Variants in NBEA observed in about 807,000 individuals in gnomAD.
The protein encoded by NBEA is lysosomal-trafficking regulator 2.
A neutral mutation model predicts 343.4 loss-of-function variants in NBEA; 44 were observed. That is an observed-to-expected ratio of 0.13 (90% confidence interval 0.10 to 0.16). The LOEUF (loss-of-function observed/expected upper bound fraction) is 0.16, where lower values mean the gene tolerates loss of function less well. NBEA is among the 10% of genes least tolerant of loss of function. The pLI is 1.00. For synonymous variants in NBEA, 1,175 were observed against 1,238.7 expected (o/e 0.95, Z 1.08); for missense variants, 2,555 against 3,631.3 (o/e 0.70, Z 7.62).
chr13:34,983,436 G>A (rs2060431801), intron 1 of NBEA, among the ~76,000 whole-genome samples: 1 of 152,094 alleles, frequency 6.6e-6, no homozygotes, highest in Non-Finnish European at 1.5e-5. Context: ...ATGGACATTT[G>A]GGTTGGTTCT....
At chr13:35,154,810 A>T (rs1326351844) in intron 18 of NBEA, among the ~76,000 whole-genome samples, 1 of 152,110 alleles carries the variant, frequency 6.6e-6, no homozygotes, top group Non-Finnish European at 1.5e-5. Context: ...CATTGTTAGG[A>T]AGAACTTTCC....
chr13:35,583,797 G>A (rs926641975), intron 45 of NBEA, 101 bp from the exon 46 acceptor site: 2 of 848,910 alleles, frequency 2.4e-6, no homozygotes, highest in Non-Finnish European at 3.6e-6. Flanking sequence ...ATGCTGTATG[G>A]CTAAAATGAA....
intron 1 of NBEA, among the ~76,000 whole-genome samples, chr13:35,010,189 TTGAA>T (rs1239759604): frequency 2.0e-5 from 3 of 152,096 alleles, no homozygotes; most frequent in Admixed American, 1.3e-4. Flanking sequence ...AGCTTTGAGA[TTGAA>T]TGAGGTCATT....
chr13:35,297,649 A>G (rs1410873336), intron 35 of NBEA, among the ~76,000 whole-genome samples: 7 of 151,910 alleles, frequency 4.6e-5, no homozygotes, highest in African/African-American at 1.4e-4. Flanking sequence ...TTATGCTACA[A>G]ATTTACACCA....
At chr13:35,617,591 T>G (rs2082790724) in intron 48 of NBEA, among the ~76,000 whole-genome samples, 1 of 152,230 alleles carries the variant, frequency 6.6e-6, no homozygotes, top group South Asian at 2.1e-4. Context: ...CTCTGAGAAC[T>G]GTCTTAAGCA....
At chr13:35,115,425 G>T (rs184880017) in intron 13 of NBEA, among the ~76,000 whole-genome samples, 1 of 152,078 alleles carries the variant, frequency 6.6e-6, no homozygotes, top group African/African-American at 2.4e-5. Flanking sequence ...ATTCTCATGC[G>T]TGTTCACACC....
intron 34 of NBEA, among the ~76,000 whole-genome samples, chr13:35,289,835 ATATTT>A (rs2035687004): frequency 6.6e-6 from 1 of 151,776 alleles, no homozygotes; most frequent in South Asian, 2.1e-4. Flanking sequence ...TAACGGTGAA[ATATTT>A]TATAAGCATT....
At chr13:35,536,978 G>A (rs1471258421) in intron 41 of NBEA, among the ~76,000 whole-genome samples, 3 of 152,178 alleles carry the variant, frequency 2.0e-5, no homozygotes, top group African/African-American at 4.8e-5. Flanking sequence ...TGGAAGTGAT[G>A]TAAGAGAAGT....
intron 1 of NBEA, among the ~76,000 whole-genome samples, chr13:35,005,054 G>C (rs1053255500): frequency 1.3e-5 from 2 of 152,074 alleles, no homozygotes; most frequent in African/African-American, 4.8e-5. Context: ...TATGTGCCAA[G>C]CATTATACTG....
intron 34 of NBEA, among the ~76,000 whole-genome samples, chr13:35,258,283 T>A (rs971372785): frequency 6.6e-6 from 1 of 151,914 alleles, no homozygotes; most frequent in East Asian, 1.9e-4. Flanking sequence ...TTCTCCTGCC[T>A]CAGCCTCCTG....
chr13:35,312,527 A>T (rs561200669), intron 36 of NBEA, among the ~76,000 whole-genome samples: 1 of 152,278 alleles, frequency 6.6e-6, no homozygotes, highest in Non-Finnish European at 1.5e-5. Context: ...ATGCCATGAA[A>T]CTGTGCAAAG....
chr13:35,141,877 T>A (rs1030422337), intron 17 of NBEA, among the ~76,000 whole-genome samples: 19 of 152,232 alleles, frequency 1.2e-4, no homozygotes, highest in Non-Finnish European at 2.2e-4. Context: ...ACAGCCTATG[T>A]TATAAACTTT....
chr13:35,307,036 T>C (rs979266358), intron 35 of NBEA, among the ~76,000 whole-genome samples: 1 of 152,054 alleles, frequency 6.6e-6, no homozygotes, highest in African/African-American at 2.4e-5. Context: ...GTGTTTGTGA[T>C]TTTCCCCAAA....
chr13:35,469,380 G>T (rs998781627), intron 40 of NBEA, among the ~76,000 whole-genome samples: 1 of 151,962 alleles, frequency 6.6e-6, no homozygotes, highest in Non-Finnish European at 1.5e-5. Context: ...ATGCTTGGGC[G>T]GTTTTTGTTC....
At chr13:35,031,621 T>C (rs973009456) in intron 1 of NBEA, among the ~76,000 whole-genome samples, 1 of 151,584 alleles carries the variant, frequency 6.6e-6, no homozygotes, top group African/African-American at 2.4e-5. Flanking sequence ...TCTCATTTCA[T>C]GCTCCCAACA....
At chr13:35,354,178 C>T (rs1455230492) in intron 38 of NBEA, among the ~76,000 whole-genome samples, 1 of 152,158 alleles carries the variant, frequency 6.6e-6, no homozygotes, top group African/African-American at 2.4e-5. Context: ...ATAGCCTAGC[C>T]AGGTTGACAT....
At chr13:35,295,491 A>G (rs1009016046) in intron 35 of NBEA, among the ~76,000 whole-genome samples, 10 of 152,142 alleles carry the variant, frequency 6.6e-5, no homozygotes, top group African/African-American at 2.2e-4. Context: ...TGGAGTGTCT[A>G]TGTTATATAA....
chr13:35,003,055 T>C (rs1007298981), intron 1 of NBEA, among the ~76,000 whole-genome samples: 9 of 152,056 alleles, frequency 5.9e-5, no homozygotes, highest in Admixed American at 2.6e-4. Context: ...GAACGAAGAA[T>C]GCACACACTC....
At chr13:35,361,659 C>T (rs1284826739) in intron 38 of NBEA, among the ~76,000 whole-genome samples, 1 of 151,880 alleles carries the variant, frequency 6.6e-6, no homozygotes, top group Non-Finnish European at 1.5e-5. Flanking sequence ...AATACAGTAC[C>T]AAAAGTCTGA....
Sources: allele counts gnomAD v4.1 joint callset (sites outside exome capture counted in the v4.1 genomes callset), GRCh38; gene constraint gnomAD v4.1.1; transcripts MANE v1.5; gene names NCBI Gene and HGNC (gene_info 2026-07-23, HGNC 2026-07-21).